The following RPA3 variants were observed in gnomAD, a reference collection of about 807,000 sequenced individuals.
RPA3 encodes replication protein A 14 kDa subunit.
A neutral mutation model predicts 13.7 loss-of-function variants in RPA3; 24 were observed. That is an observed-to-expected ratio of 1.75 (90% CI 1.27 to 2.46). The LOEUF (loss-of-function observed/expected upper bound fraction) is 2.46. Ranked by LOEUF, RPA3 falls within the 30% of genes most tolerant of loss-of-function variation. RPA3 has a pLI of 0.00. For missense variants in RPA3, 183 were observed against 151.0 expected (o/e 1.21, Z -1.11); for synonymous variants, 59 against 51.2 (o/e 1.15, Z -0.65).
chr7:7,655,866 G>A (rs753399482), intron 4 of RPA3, among the ~76,000 whole-genome samples: 2 of 151,232 alleles, frequency 1.3e-5, no homozygotes, highest in South Asian at 4.2e-4. Context: ...ACAGAGTTTC[G>A]CTCTTGTTCC....
intron 2 of RPA3, among the ~76,000 whole-genome samples, chr7:7,701,363 A>G (rs1780458818): frequency 6.6e-6 from 1 of 152,036 alleles, no homozygotes; most frequent in African/African-American, 2.4e-5. Context: ...TGCATTTGCT[A>G]GAAGAAAACA....
chr7:7,639,073 T>G lies in RPA3; in HGVS notation c.171A>C (p.Glu57Asp). The G allele has an allele frequency of 6.2e-7, 1 of 1,610,026 alleles. No homozygotes were observed. The highest frequency in any genetic ancestry group is 8.5e-7 in the Non-Finnish European group (1 of 1,177,700). Residue 57 changes from glutamate (E) to aspartate (D), a missense_variant, in exon 6 of 8, where the codon GAA (glutamate) becomes GAC (aspartate). Physicochemically the swap from Glu to Asp is conservative, Grantham distance 45. Coordinates refer to ENST00000223129, the MANE Select transcript of RPA3 (RefSeq NM_002947.5). ...EGKNGTIELM[E>D]PLDEEISGIV... ...ACTTATTAACACTTAAACATACGGG[T>G]TCCATCAACTCGATGGTTCCATTTT...
intron 2 of RPA3, among the ~76,000 whole-genome samples, chr7:7,691,091 G>A (rs1480778833): frequency 6.6e-6 from 1 of 152,166 alleles, no homozygotes; most frequent in Non-Finnish European, 1.5e-5. Flanking sequence ...GAACTGAGCA[G>A]AAGTGTTATG....
intron 1 of RPA3, among the ~76,000 whole-genome samples, chr7:7,718,146 A>G (rs977051479): frequency 3.3e-5 from 5 of 152,226 alleles, no homozygotes; most frequent in African/African-American, 1.2e-4. Context: ...TAAAACTGGT[A>G]TTAATTTGGG....
chr7:7,642,436 G>GGT (rs934995958), intron 4 of RPA3, among the ~76,000 whole-genome samples: 22 of 150,876 alleles, frequency 1.5e-4, no homozygotes, highest in African/African-American at 5.4e-4. Context: ...TGGAATTACA[G>GGT]GTGTGAGCCT....
At chr7:7,698,351 G>A (rs569315620) in intron 2 of RPA3, among the ~76,000 whole-genome samples, 12 of 152,228 alleles carry the variant, frequency 7.9e-5, no homozygotes, top group East Asian at 3.9e-4. Flanking sequence ...ATAATGGTGC[G>A]TTTCCTGCTG....
intron 2 of RPA3, among the ~76,000 whole-genome samples, chr7:7,704,766 C>CAAAAAAAAAAAAAAAA (rs71011001): frequency 5.6e-5 from 1 of 17,826 alleles, no homozygotes; most frequent in Non-Finnish European, 1.0e-4. Context: ...GACTCCATCT[C>CAAAAAAAAAAAAAAAA]AAAAAAAAAA....
At chr7:7,660,189 T>A (rs979168393) in intron 4 of RPA3, among the ~76,000 whole-genome samples, 1 of 152,258 alleles carries the variant, frequency 6.6e-6, no homozygotes, top group Non-Finnish European at 1.5e-5. Context: ...TGAGCCTATG[T>A]GTGTCTTTGC....
chr7:7,716,583 C>G (rs908972652), intron 1 of RPA3, among the ~76,000 whole-genome samples: 6 of 152,160 alleles, frequency 3.9e-5, no homozygotes, highest in African/African-American at 1.2e-4. Flanking sequence ...TCACCACGTG[C>G]ACAGTAAAGA....
intron 4 of RPA3, among the ~76,000 whole-genome samples, chr7:7,649,871 C>T (rs1463999766): frequency 1.3e-5 from 2 of 152,124 alleles, no homozygotes; most frequent in African/African-American, 2.4e-5. Context: ...CAGAGAGATC[C>T]CTTGCTCCTT....
At chr7:7,675,876 T>G (rs918127633) in intron 4 of RPA3, among the ~76,000 whole-genome samples, 3 of 152,208 alleles carry the variant, frequency 2.0e-5, no homozygotes, top group African/African-American at 7.2e-5. Context: ...CTCGTTGCCC[T>G]TCAGCTCCTC....
At chr7:7,638,724 G>T (rs1480381769) in intron 6 of RPA3, 2 of 175,334 alleles carry the variant, frequency 1.1e-5, no homozygotes, top group African/African-American at 2.4e-5. Flanking sequence ...GTGAGACCCT[G>T]TCTCAAAACA....
chr7:7,682,472 G>T (rs1345557434), intron 4 of RPA3, among the ~76,000 whole-genome samples: 1 of 151,926 alleles, frequency 6.6e-6, no homozygotes, highest in Non-Finnish European at 1.5e-5. Flanking sequence ...TCTCTTCATC[G>T]CTGTGTTGTT....
intron 4 of RPA3, among the ~76,000 whole-genome samples, chr7:7,648,318 A>G (rs761586581): frequency 2.6e-5 from 4 of 152,350 alleles, no homozygotes; most frequent in Non-Finnish European, 5.9e-5. Flanking sequence ...CCAGTAAACC[A>G]TAGACTTTAT....
chr7:7,693,311 C>CTATCTATCTATA (rs1780223248), intron 2 of RPA3, among the ~76,000 whole-genome samples: 1 of 151,874 alleles, frequency 6.6e-6, no homozygotes, highest in South Asian at 2.1e-4. Flanking sequence ...ATCTATCTAT[C>CTATCTATCTATA]TATCTATCTA....
intron 2 of RPA3, among the ~76,000 whole-genome samples, chr7:7,704,203 T>G (rs142733735): frequency 6.6e-6 from 1 of 152,308 alleles, no homozygotes; most frequent in African/African-American, 2.4e-5. Context: ...TAAGGATATT[T>G]GTAAAATTAT....
Position 7,640,342 on chromosome 7 carries a change from C to T in RPA3, c.77G>A (p.Cys26Tyr), listed in dbSNP as rs770292760. The change falls in exon 5 of 8, where the codon TGC becomes TAC. Residue 26 changes from cysteine to tyrosine, a missense_variant. By Grantham distance (194) the Cys-to-Tyr change is radical (BLOSUM62 -2). Transcript: ENST00000223129. ...MLAQFIDKPV[C>Y]FVGRLEKIHP... The stretch of plus-strand genomic sequence containing the variant: ...CACCTTTTCCAGCCTCCCTACGAAG[C>T]AGACAGGCTTGTCGATGAATTGAGC... The T allele has an allele frequency of 6.2e-7, 1 of 1,614,114 alleles. No homozygotes were observed. Among genetic ancestry groups the T allele is most frequent in the Admixed American group, 1.7e-5 (1 of 60,016 alleles).
intron 4 of RPA3, among the ~76,000 whole-genome samples, chr7:7,655,599 C>T (rs550781506): frequency 1.3e-5 from 2 of 152,182 alleles, no homozygotes; most frequent in South Asian, 4.2e-4. Flanking sequence ...TTTAAATTCT[C>T]AGTTGGCTGA....
chr7:7,714,272 C>G (rs1456340137), intron 2 of RPA3, among the ~76,000 whole-genome samples: 3 of 152,296 alleles, frequency 2.0e-5, no homozygotes, highest in East Asian at 3.9e-4. Context: ...TTCTATAAAT[C>G]CTTGGATGTT....
Sources: allele counts gnomAD v4.1 joint callset (sites outside exome capture counted in the v4.1 genomes callset), GRCh38; gene constraint gnomAD v4.1.1; transcripts MANE v1.5; gene names NCBI Gene and HGNC (gene_info 2026-07-23, HGNC 2026-07-21).